MCMBP: variants seen among roughly 807,000 people sequenced by gnomAD.
The protein encoded by MCMBP is mini-chromosome maintenance complex-binding protein.
Under a neutral mutation model 81.3 loss-of-function variants are expected in MCMBP, and 31 were observed. The observed-to-expected ratio is 0.38, with a 90% CI of 0.29 to 0.51. The LOEUF is 0.51. MCMBP is among the 20% of genes least tolerant of loss of function. The pLI, the probability that MCMBP is intolerant of heterozygous loss-of-function variation, is 0.87. For missense variants in MCMBP, 645 were observed against 772.1 expected (o/e 0.84, Z 1.95); for synonymous variants, 267 against 275.9 (o/e 0.97, Z 0.32).
Position 119,870,485 on chromosome 10 carries a change from AAACTT to A in MCMBP, c.58+2037_58+2041del, listed in dbSNP as rs1423208639. Among the ~76,000 whole-genome samples the A allele has an allele frequency of 3.9e-5, 6 of 152,152 alleles. No homozygotes were observed. In the South Asian group the frequency reaches 1.0e-3, roughly 26 times the overall value. On this transcript the variant is annotated intron_variant, in intron 1 of 15. Coordinates refer to ENST00000369077, the MANE Select transcript of MCMBP (RefSeq NM_001256378.2). The stretch of plus-strand genomic sequence containing the variant: ...ATATTTCAAAATAAAATACACAACA[AAACTT>A]AACTTTTCAGTTTAAAAAAACTGTC...
At chr10:119,861,413 C>T (rs1049013788) in intron 1 of MCMBP, among the ~76,000 whole-genome samples, 3 of 152,150 alleles carry the variant, frequency 2.0e-5, no homozygotes, top group Non-Finnish European at 4.4e-5. Flanking sequence ...CCCCGAACCA[C>T]AGAATCAGAA....
intron 1 of MCMBP, among the ~76,000 whole-genome samples, chr10:119,865,216 A>G (rs942731207): frequency 1.3e-5 from 2 of 152,202 alleles, no homozygotes; most frequent in African/African-American, 2.4e-5. Context: ...CTTGGTGCAT[A>G]TATAGTTAGG....
chr10:119,873,036 G>C (rs1425270249), upstream of MCMBP, among the ~76,000 whole-genome samples: 2 of 151,954 alleles, frequency 1.3e-5, no homozygotes, highest in East Asian at 2.0e-4. Context: ...CGCGGGGCCC[G>C]GCGACGCGCT....
In MCMBP at chr10:119,832,064, C is replaced by T. The variant is rs1316891887; in HGVS notation, c.1744G>A (p.Asp582Asn). Residue 582 changes from aspartate to asparagine, a missense_variant, in exon 15 of 16, where the codon GAC becomes AAC. Coordinates refer to ENST00000369077, the MANE Select transcript of MCMBP (RefSeq NM_001256378.2). ...EDDFVEMRKN[D>N]PQSITADDLH... ...TCATCAGCAGTGATGCTCTGAGGGT[C>T]GTTCTTCCGCATTTCCACAAAGTCA... 4 of 1,613,034 alleles carry T rather than the reference C, an allele frequency of 2.5e-6. No individual in the cohort carries two copies. Among genetic ancestry groups the T allele is most frequent in the African/African-American group, 2.7e-5 (2 of 74,828 alleles).
intron 1 of MCMBP, among the ~76,000 whole-genome samples, chr10:119,861,945 G>A (rs1305756742): frequency 3.9e-5 from 6 of 152,126 alleles, no homozygotes; most frequent in African/African-American, 1.2e-4. Flanking sequence ...GTCTCCCTAT[G>A]TTGTCCAGGT....
chr10:119,860,000 T>G lies in MCMBP; in HGVS notation c.59-116A>C, dbSNP rs1853195708. On this transcript the variant is annotated intron_variant, in intron 1 of 15. Transcript: ENST00000369077. ...CAAAAAACAAACTAAAATTAGCTAC[T>G]ATGATAGAATGAATTTTTAGATAGG... The G allele has an allele frequency of 1.4e-5, 10 of 691,890 alleles. No individual in the cohort carries two copies. The Middle Eastern group carries it at 1.2e-3, about 83-fold the overall frequency. 42.9% of individuals were successfully genotyped at this position (691,890 alleles called of 1,614,324 possible).
chr10:119,867,094 A>G (rs1589802719), intron 1 of MCMBP, among the ~76,000 whole-genome samples: 1 of 152,072 alleles, frequency 6.6e-6, no homozygotes, highest in Non-Finnish European at 1.5e-5. Flanking sequence ...GGAGGTCGAG[A>G]CCATCCTGGC....
intron 10 of MCMBP, among the ~76,000 whole-genome samples, chr10:119,841,939 G>A (rs568476014): frequency 5.9e-5 from 9 of 152,284 alleles, no homozygotes; most frequent in Admixed American, 1.3e-4. Flanking sequence ...CGCCCAGGCC[G>A]TGGACCAGTA....
rs78527421 is a variant in MCMBP, at chr10:119,870,767, C to T, written c.58+1760G>A. 1.5e-4 allele frequency among the ~76,000 whole-genome samples: 23 copies of T among 152,264 alleles called. 1 individual carries two copies. The East Asian group carries it at 4.2e-3, about 28-fold the overall frequency. ...GATATGCAATACAATCACAGTGATACGAAAATATAGCAACAGCTTCTACGA... is the reference window on the plus strand; with the variant it reads ...GATATGCAATACAATCACAGTGATATGAAAATATAGCAACAGCTTCTACGA... On this transcript the variant is annotated intron_variant, in intron 1 of 15. Coordinates refer to ENST00000369077, the MANE Select transcript of MCMBP (RefSeq NM_001256378.2).
chr10:119,867,394 T>C (rs1019959881), intron 1 of MCMBP, among the ~76,000 whole-genome samples: 15 of 150,948 alleles, frequency 9.9e-5, no homozygotes, highest in African/African-American at 1.9e-4. Context: ...TTTAAAACCA[T>C]GTGTAAGTTA....
At chr10:119,836,124 G>A (rs911836257) in intron 13 of MCMBP, among the ~76,000 whole-genome samples, 7 of 152,216 alleles carry the variant, frequency 4.6e-5, no homozygotes, top group African/African-American at 1.2e-4. Flanking sequence ...GTGAGCCACC[G>A]CAGCCAGTGA....
intron 1 of MCMBP, among the ~76,000 whole-genome samples, chr10:119,863,406 T>G (rs1238697962): frequency 6.6e-6 from 1 of 152,198 alleles, no homozygotes; most frequent in Non-Finnish European, 1.5e-5. Context: ...AATATCCTTT[T>G]TCCATTTGAA....
rs1173217964 is a variant in MCMBP, at chr10:119,835,532, A to C, written c.1707+8T>G. ...ACAGGGAAATCCTTTATTTTAACCT[A>C]GACATACCTTGGTTATTTCATCAGA... On this transcript the variant is annotated splice_region_variant and intron_variant, in intron 14 of 15. Coordinates refer to ENST00000369077, the MANE Select transcript of MCMBP (RefSeq NM_001256378.2). 6.2e-7 allele frequency: 1 copy of C among 1,610,862 alleles called. No individual in the cohort carries two copies. The highest frequency in any genetic ancestry group is 8.5e-7 in the Non-Finnish European group (1 of 1,177,358).
chr10:119,831,344 G>T lies in MCMBP; in HGVS notation c.*130C>A. ...TCATATAAACATCAGGTGTTACCAG[G>T]CTTGATTTCAGGAAATGTCACTGGT... On this transcript the variant is annotated 3_prime_UTR_variant, in exon 16 of 16. Transcript: ENST00000369077. The T allele has an allele frequency of 2.7e-6, 3 of 1,099,704 alleles. No individual in the cohort carries two copies. The highest frequency in any genetic ancestry group is 2.6e-6 in the Non-Finnish European group (2 of 766,052). The allele number at this position is 1,099,704 out of a possible 1,614,324, so 68.1% of individuals were successfully genotyped here.
At chr10:119,855,507 C>T (rs1414099607) in intron 5 of MCMBP, among the ~76,000 whole-genome samples, 1 of 151,732 alleles carries the variant, frequency 6.6e-6, no homozygotes, top group Non-Finnish European at 1.5e-5. Flanking sequence ...CCGTCTCTAT[C>T]AAAAATACAA....
At chr10:119,837,519 T>C (rs902507222) in intron 12 of MCMBP, among the ~76,000 whole-genome samples, 4 of 152,268 alleles carry the variant, frequency 2.6e-5, no homozygotes. Flanking sequence ...ATCTGCTTTC[T>C]TGTGATTTTA....
rs1852659808 is a variant in MCMBP, at chr10:119,847,523, G to C, written c.827+90C>G. On this transcript the variant is annotated intron_variant, in intron 8 of 15. Transcript: ENST00000369077. ...TGGTACATCTGGGAGAAAGGGAAAAGGGAGTTCTTTAAAACCATCCTGTAA... is the reference window on the plus strand; with the variant it reads ...TGGTACATCTGGGAGAAAGGGAAAACGGAGTTCTTTAAAACCATCCTGTAA... The C allele has an allele frequency of 4.5e-6, 3 of 659,550 alleles. No individual in the cohort carries two copies. In the East Asian group the frequency reaches 8.7e-5, roughly 19 times the overall value. 40.9% of individuals were successfully genotyped at this position (659,550 alleles called of 1,614,324 possible).
At chr10:119,831,631 C>T (rs1432069961) in intron 15 of MCMBP, 31 bp from the exon 16 acceptor site, 1 of 1,605,402 alleles carries the variant, frequency 6.2e-7, no homozygotes, top group Non-Finnish European at 8.5e-7. Context: ...AAATTTAAGT[C>T]TAGAGCTGGG....
At chr10:119,862,872 T>A (rs1287003621) in intron 1 of MCMBP, among the ~76,000 whole-genome samples, 4 of 152,270 alleles carry the variant, frequency 2.6e-5, no homozygotes. Flanking sequence ...TGCAATATCA[T>A]GGCTTAAATT....
Sources: gnomAD v4.1 joint callset for allele counts (sites outside exome capture counted in the v4.1 genomes callset) on GRCh38, gnomAD v4.1.1 for gene constraint, MANE v1.5 for transcripts, NCBI Gene and HGNC (gene_info 2026-07-23, HGNC 2026-07-21) for gene names.